The following CLSTN2 variants were observed in gnomAD, a reference collection of about 807,000 sequenced individuals.
CLSTN2 encodes the protein calsyntenin-2.
CLSTN2 carries 48 observed loss-of-function variants against 101.2 expected under a neutral mutation model. The observed-to-expected ratio is 0.47, with a 90% CI of 0.38 to 0.60. The LOEUF (loss-of-function observed/expected upper bound fraction) is 0.60. Among genes scored for constraint, CLSTN2 ranks in the 20% least tolerant of loss-of-function variants. CLSTN2 has a pLI of 0.00. For missense variants in CLSTN2, 1,160 were observed against 1,238.2 expected (o/e 0.94, Z 0.95); for synonymous variants, 481 against 463.6 (o/e 1.04, Z -0.48).
chr3:140,006,976 A>G (rs2006971734), intron 1 of CLSTN2, among the ~76,000 whole-genome samples: 1 of 152,224 alleles, frequency 6.6e-6, no homozygotes, highest in South Asian at 2.1e-4. Context: ...AATCCATGAT[A>G]AACAAATGTC....
intron 1 of CLSTN2, among the ~76,000 whole-genome samples, chr3:140,092,520 G>C (rs893127946): frequency 4.1e-4 from 62 of 152,310 alleles, no homozygotes; most frequent in African/African-American, 1.4e-3. Flanking sequence ...GTCTTGCTAA[G>C]GTTGCAGAGC....
intron 2 of CLSTN2, among the ~76,000 whole-genome samples, chr3:140,177,804 A>G (rs2010347539): frequency 6.6e-6 from 1 of 152,168 alleles, no homozygotes; most frequent in Non-Finnish European, 1.5e-5. Context: ...TAGAAACAAC[A>G]TTTAGAAATT....
intron 1 of CLSTN2, among the ~76,000 whole-genome samples, chr3:139,947,083 T>C (rs1429352144): frequency 3.9e-5 from 6 of 152,202 alleles, no homozygotes; most frequent in Non-Finnish European, 8.8e-5. Context: ...AAACCAGTCT[T>C]CTTTGAAATG....
intron 2 of CLSTN2, among the ~76,000 whole-genome samples, chr3:140,215,649 G>T (rs1204893969): frequency 6.6e-6 from 1 of 152,148 alleles, no homozygotes; most frequent in African/African-American, 2.4e-5. Context: ...AGTCAGTAGA[G>T]TATAGCAATA....
intron 1 of CLSTN2, among the ~76,000 whole-genome samples, chr3:140,026,397 T>C (rs926332874): frequency 1.3e-5 from 2 of 152,140 alleles, no homozygotes; most frequent in African/African-American, 4.8e-5. Flanking sequence ...CTGTGCTGTG[T>C]GGGGTGTGTA....
At chr3:140,408,736 G>A (rs2088332061) in intron 4 of CLSTN2, among the ~76,000 whole-genome samples, 2 of 152,092 alleles carry the variant, frequency 1.3e-5, no homozygotes, top group South Asian at 4.1e-4. Context: ...AGGAACCCAG[G>A]GAAGCCACTA....
At chr3:140,248,408 T>G (rs2086534513) in intron 2 of CLSTN2, among the ~76,000 whole-genome samples, 1 of 152,192 alleles carries the variant, frequency 6.6e-6, no homozygotes, top group Admixed American at 6.5e-5. Context: ...GCAGCAGTTT[T>G]GGGCAGCACT....
intron 2 of CLSTN2, among the ~76,000 whole-genome samples, chr3:140,280,750 C>T (rs532791876): frequency 1.4e-4 from 22 of 152,118 alleles, no homozygotes; most frequent in Non-Finnish European, 2.8e-4. Flanking sequence ...AAGTGGTAGA[C>T]GCACAGGTGT....
In CLSTN2 at chr3:140,556,678, C is replaced by A; in HGVS notation, c.1823+17C>A. On this transcript the variant is annotated intron_variant, in intron 11 of 16. Transcript: ENST00000458420. The stretch of plus-strand genomic sequence containing the variant: ...CAAAGTCCAGTGAGTGGACGCTGGT[C>A]AGCCTGGGGCCAACTGAGGCAGCAG... 1 of 1,610,604 alleles carries A rather than the reference C, an allele frequency of 6.2e-7. No individual in the cohort carries two copies. The highest frequency in any genetic ancestry group is 1.1e-5 in the South Asian group (1 of 90,810).
intron 1 of CLSTN2, among the ~76,000 whole-genome samples, chr3:140,165,912 G>A (rs1005951543): frequency 6.6e-6 from 1 of 152,196 alleles, no homozygotes. Context: ...TCACTTGGCA[G>A]CCTCACACAC....
intron 8 of CLSTN2, chr3:140,506,767 G>T (rs1204589093): frequency 6.6e-6 from 1 of 152,182 alleles, no homozygotes; most frequent in Non-Finnish European, 1.5e-5. Context: ...TCAAGCACTT[G>T]AAATGTGGCT....
chr3:140,482,367 T>C (rs970561186), intron 8 of CLSTN2, among the ~76,000 whole-genome samples: 1 of 152,210 alleles, frequency 6.6e-6, no homozygotes, highest in Non-Finnish European at 1.5e-5. Context: ...TTATTGAGGA[T>C]TTTTGCATCA....
intron 2 of CLSTN2, among the ~76,000 whole-genome samples, chr3:140,254,370 A>C (rs535704276): frequency 9.5e-4 from 145 of 151,874 alleles, no homozygotes; most frequent in African/African-American, 3.3e-3. Context: ...GGTTCTATGA[A>C]CTCTCTAAAG....
chr3:140,381,955 T>G (rs1274111660), intron 2 of CLSTN2, among the ~76,000 whole-genome samples: 4 of 152,192 alleles, frequency 2.6e-5, no homozygotes. Flanking sequence ...GCCTACTCTT[T>G]TATGCTACCA....
chr3:140,300,173 T>C (rs2087044653), intron 2 of CLSTN2, among the ~76,000 whole-genome samples: 1 of 152,208 alleles, frequency 6.6e-6, no homozygotes, highest in African/African-American at 2.4e-5. Flanking sequence ...ATCTGCAGTT[T>C]AATAAATAAC....
At chr3:139,981,052 G>C (rs1935908263) in intron 1 of CLSTN2, among the ~76,000 whole-genome samples, 1 of 151,994 alleles carries the variant, frequency 6.6e-6, no homozygotes, top group African/African-American at 2.4e-5. Flanking sequence ...TTTTATGTGT[G>C]GGTTTGATTG....
At chr3:140,065,891 A>C (rs2008291094) in intron 1 of CLSTN2, among the ~76,000 whole-genome samples, 1 of 152,212 alleles carries the variant, frequency 6.6e-6, no homozygotes, top group East Asian at 1.9e-4. Flanking sequence ...GATTAATTTA[A>C]TATGATCTGC....
At chr3:140,371,098 C>T (rs1191074158) in intron 2 of CLSTN2, among the ~76,000 whole-genome samples, 1 of 152,158 alleles carries the variant, frequency 6.6e-6, no homozygotes, top group African/African-American at 2.4e-5. Flanking sequence ...TTTCTCACTT[C>T]CAGAGGCAAT....
At chr3:140,432,128 G>A (rs78203668) in intron 5 of CLSTN2, among the ~76,000 whole-genome samples, 2,490 of 152,184 alleles carry the variant, frequency 0.016, 63 homozygotes, top group African/African-American at 0.056. Flanking sequence ...AGTGGGGTGC[G>A]GTAGAAAGTG....
Sources: allele counts gnomAD v4.1 joint callset (sites outside exome capture counted in the v4.1 genomes callset), GRCh38; gene constraint gnomAD v4.1.1; transcripts MANE v1.5; gene names NCBI Gene and HGNC (gene_info 2026-07-23, HGNC 2026-07-21).